UTP18: variants seen among roughly 807,000 people sequenced by gnomAD.
UTP18 encodes the protein UTP18 small subunit processome component, also known as U3 small nucleolar RNA-associated protein 18 homolog.
A neutral mutation model predicts 61.1 loss-of-function variants in UTP18; 36 were observed. The ratio of observed to expected loss-of-function variants is 0.59; its 90% CI spans 0.45 to 0.78. UTP18 has a LOEUF of 0.78. Among genes scored for constraint, UTP18 ranks in the 30% least tolerant of loss-of-function variants. UTP18 has a pLI of 0.00. For synonymous variants in UTP18, 282 were observed against 251.1 expected (o/e 1.12, Z -1.16); for missense variants, 753 against 693.9 (o/e 1.09, Z -0.96).
At position 51,268,748 on chromosome 17, in the gene UTP18, G is replaced by C. The variant is rs1485355667; in HGVS notation, c.555-89G>C. ...AAGAGAGTCCATACGTATTCTCAAG[G>C]GTGATTCAACGTATATGCTTTAAAT... On this transcript the variant is annotated intron_variant, in intron 3 of 13. Coordinates refer to ENST00000225298, the MANE Select transcript of UTP18 (RefSeq NM_016001.3). 6 of 1,020,742 alleles carry C rather than the reference G, an allele frequency of 5.9e-6. No individual in the cohort carries two copies. In the African/African-American group the frequency reaches 9.6e-5, roughly 16 times the overall value. The allele number at this position is 1,020,742 out of a possible 1,614,324, so 63.2% of individuals were successfully genotyped here.
In UTP18 at chr17:51,297,008, G is replaced by GA; in HGVS notation, c.*14+9dup. 6.2e-7 allele frequency: 1 copy of GA among 1,602,920 alleles called. No homozygotes were observed. ...CTTCTAAAGAGACTATTTGAAGTAA[G>GA]AAAACCCTTTTCTTACAAATTCTGC... On this transcript the variant is annotated splice_donor_region_variant and intron_variant, in intron 13 of 13. Coordinates refer to ENST00000225298, the MANE Select transcript of UTP18 (RefSeq NM_016001.3).
chr17:51,286,780 C>T (rs1905128808), intron 10 of UTP18, among the ~76,000 whole-genome samples: 1 of 152,176 alleles, frequency 6.6e-6, no homozygotes, highest in Non-Finnish European at 1.5e-5. Context: ...GGGAATAAAG[C>T]TCCTTTAAAA....
rs892192965 is a variant in UTP18 at position 51,270,975 on chromosome 17, A to G, written c.622+2071A>G. Among the ~76,000 whole-genome samples the G allele has an allele frequency of 2.6e-4, 40 of 152,352 alleles. 1 individual carries two copies. Among genetic ancestry groups the G allele is most frequent in the African/African-American group, 9.1e-4 (38 of 41,582 alleles). ...AGAATGGTGACTAGCACTCAGCTTC[A>G]TGATTATCTCCAGTGTGTTATTTTT... On this transcript the variant is annotated intron_variant, in intron 4 of 13. Coordinates refer to ENST00000225298, the MANE Select transcript of UTP18 (RefSeq NM_016001.3).
At chr17:51,297,202 A>C (rs1179305586) in intron 13 of UTP18, among the ~76,000 whole-genome samples, 199 bp downstream of exon 13, 2 of 152,172 alleles carry the variant, frequency 1.3e-5, no homozygotes, top group Non-Finnish European at 2.9e-5. Context: ...AAATCACAGC[A>C]ATCTGGCTCG....
intron 1 of UTP18, among the ~76,000 whole-genome samples, chr17:51,262,500 G>C (rs2055516796): frequency 6.6e-6 from 1 of 152,114 alleles, no homozygotes; most frequent in Admixed American, 6.5e-5. Flanking sequence ...TTGTCACCCA[G>C]ACTGGAGTGT....
At chr17:51,270,265 A>T (rs1461922120) in intron 4 of UTP18, among the ~76,000 whole-genome samples, 2 of 152,170 alleles carry the variant, frequency 1.3e-5, no homozygotes, top group Non-Finnish European at 2.9e-5. Context: ...CATATAGATT[A>T]TCTTCTTTTT....
rs561528350 is a variant in UTP18, at chr17:51,271,474, T to C, written c.623-1888T>C. Among the ~76,000 whole-genome samples, 6 of 152,022 alleles carry C rather than the reference T, an allele frequency of 3.9e-5. No individual in the cohort carries two copies. In the East Asian group the frequency reaches 7.7e-4, roughly 20 times the overall value. On this transcript the variant is annotated intron_variant, in intron 4 of 13. Coordinates refer to ENST00000225298, the MANE Select transcript of UTP18 (RefSeq NM_016001.3). ...GGCATGTGCCACCATGCCCAGCTAA[T>C]GAAAAAAAAAATTTTTTTTTGTAGT... is the stretch of plus-strand genomic sequence containing the variant.
chr17:51,286,984 C>CA (rs974788926), intron 10 of UTP18, among the ~76,000 whole-genome samples: 25 of 145,062 alleles, frequency 1.7e-4, no homozygotes, highest in Admixed American at 4.1e-4. Context: ...CCCTTCCCCC[C>CA]CCGACCCACA....
chr17:51,280,619 C>A, intron 9 of UTP18, 140 bp downstream of exon 9: 1 of 726,922 alleles, frequency 1.4e-6, no homozygotes, highest in Non-Finnish European at 2.3e-6. Context: ...GTAAGATCAG[C>A]CTGGCCAACA....
intron 9 of UTP18, among the ~76,000 whole-genome samples, chr17:51,282,511 A>C (rs113666317): frequency 4.7e-5 from 1 of 21,340 alleles, no homozygotes; most frequent in Non-Finnish European, 7.7e-5. Flanking sequence ...GAAAGATGGA[A>C]GGAAGGAAGG....
chr17:51,282,728 C>CT lies in UTP18; in HGVS notation c.1204+2250dup, dbSNP rs533401390. ...CAAATTTGGTCATGGCTGTGGAGAT[C>CT]TAATTTATCATAAGGTCCTAAGAAA... On this transcript the variant is annotated intron_variant, in intron 9 of 13. Transcript: ENST00000225298. Among the ~76,000 whole-genome samples, 18 of 152,238 alleles carry CT rather than the reference C, an allele frequency of 1.2e-4. No homozygotes were observed. In the South Asian group the frequency reaches 3.5e-3, roughly 30 times the overall value.
chr17:51,274,007 C>T (rs924688205), intron 5 of UTP18, among the ~76,000 whole-genome samples: 2 of 152,164 alleles, frequency 1.3e-5, no homozygotes, highest in Admixed American at 6.5e-5. Flanking sequence ...CTTCTGAATT[C>T]CTTATCGTAT....
Position 51,260,697 on chromosome 17 carries a change from C to T in UTP18, c.113C>T (p.Pro38Leu). 11 of 1,605,702 alleles carry T rather than the reference C, an allele frequency of 6.9e-6. No homozygotes were observed. Among genetic ancestry groups the T allele is most frequent in the Non-Finnish European group, 9.3e-6 (11 of 1,177,142 alleles). ...AAAGCCGGAGCGGGGCCAGGCGGGC[C>T]TCCCCAAAAGCCTGCCCCTTCATCC... The part of the protein sequence containing the change: ...DWKAGAGPGG[P>L]PQKPAPSSQR... The change falls in exon 1 of 14, where the codon CCT becomes CTT. Residue 38 changes from proline (P) to leucine (L), a missense_variant. By Grantham distance (98) the Pro-to-Leu change is moderately conservative. Transcript: ENST00000225298.
In UTP18 at chr17:51,260,590, G is replaced by C. The variant is rs761316312; in HGVS notation, c.6G>C (p.Pro2=). 3 of 1,611,938 alleles carry C rather than the reference G, an allele frequency of 1.9e-6. No individual in the cohort carries two copies. The highest frequency in any genetic ancestry group is 1.3e-5 in the African/African-American group (1 of 74,908). M[P]PERRRRMKLD... ...GTTTCTCCTCAAACCTAACGATGCCGCCGGAGCGGAGGAGACGAATGAAAC... is the reference window on the plus strand; with the variant it reads ...GTTTCTCCTCAAACCTAACGATGCCCCCGGAGCGGAGGAGACGAATGAAAC... The change falls in exon 1 of 14, where the codon CCG becomes CCC. Residue 2 remains proline, a synonymous_variant. Coordinates refer to ENST00000225298, the MANE Select transcript of UTP18 (RefSeq NM_016001.3).
intron 9 of UTP18, among the ~76,000 whole-genome samples, chr17:51,282,642 G>C (rs956221390): frequency 6.6e-6 from 1 of 151,954 alleles, no homozygotes; most frequent in Non-Finnish European, 1.5e-5. Flanking sequence ...AGGTGGGGAG[G>C]GTTGGTCAGC....
Position 51,260,781 on chromosome 17 carries a change from C to T in UTP18, c.197C>T (p.Ala66Val), listed in dbSNP as rs762927140. ...AAAAAIAVAA[A>V]EEERRLRQRN... ...GCCGCTGCGATTGCAGTCGCGGCGG[C>T]GGAGGAAGAGAGACGGCTCCGGCAG... The change falls in exon 1 of 14, where the codon GCG becomes GTG. Residue 66 changes from alanine (A) to valine (V), a missense_variant. Coordinates refer to ENST00000225298, the MANE Select transcript of UTP18 (RefSeq NM_016001.3). The T allele has an allele frequency of 1.3e-5, 20 of 1,578,518 alleles. No homozygotes were observed. Among genetic ancestry groups the T allele is most frequent in the Non-Finnish European group, 1.5e-5 (18 of 1,163,618 alleles).
intron 6 of UTP18, among the ~76,000 whole-genome samples, chr17:51,276,828 T>A (rs1055831876): frequency 2.0e-5 from 3 of 152,146 alleles, no homozygotes; most frequent in Admixed American, 6.5e-5. Context: ...CTCAAGAAAT[T>A]AGTAGGGCAA....
chr17:51,291,967 TTTTCCTGATCATCTGC>T (rs1306698772), intron 11 of UTP18, among the ~76,000 whole-genome samples: 7 of 152,134 alleles, frequency 4.6e-5, no homozygotes, highest in Admixed American at 1.3e-4. Context: ...GCAAATGTTT[TTTTCCTGATCATCTGC>T]TTTCCTGATG....
intron 11 of UTP18, among the ~76,000 whole-genome samples, chr17:51,292,740 C>T (rs1567707550): frequency 1.3e-5 from 2 of 152,196 alleles, no homozygotes; most frequent in Non-Finnish European, 2.9e-5. Context: ...GGGTTTTATT[C>T]ATCCACAAAT....
Sources: allele counts gnomAD v4.1 joint callset (sites outside exome capture counted in the v4.1 genomes callset), GRCh38; gene constraint gnomAD v4.1.1; transcripts MANE v1.5; gene names NCBI Gene and HGNC (gene_info 2026-07-23, HGNC 2026-07-21).